Variants in RASGEF1C observed in about 807,000 individuals in gnomAD.
RASGEF1C encodes RasGEF domain family member 1C.
Under a neutral mutation model 58.1 loss-of-function variants are expected in RASGEF1C, and 27 were observed. The observed-to-expected ratio is 0.46, with a 90% CI of 0.34 to 0.64. The LOEUF (loss-of-function observed/expected upper bound fraction) is 0.64. Among genes scored for constraint, RASGEF1C ranks in the 30% least tolerant of loss-of-function variants. The probability of loss-of-function intolerance (pLI) is 0.01; values close to 1 mark genes in which losing one functional copy is unlikely to be tolerated. For synonymous variants in RASGEF1C, 243 were observed against 246.3 expected (o/e 0.99, Z 0.13); for missense variants, 502 against 605.1 (o/e 0.83, Z 1.79).
rs1424025868 is a variant in RASGEF1C, at chr5:180,155,525, T to G, written c.-6-17467A>C. ...TGGGCTCCATATGGCCTTCAACTCC[T>G]GCTGACAGATCCCGCTGTCTCCCTC... On this transcript the variant is annotated intron_variant, in intron 1 of 13. Transcript: ENST00000361132. The surrounding 1 kb of genome is among the most constrained non-coding windows in gnomAD (Gnocchi z 5.2). Among the ~76,000 whole-genome samples the G allele has an allele frequency of 6.6e-6, 1 of 152,122 alleles. No homozygotes were observed. The highest frequency in any genetic ancestry group is 1.5e-5 in the Non-Finnish European group (1 of 68,014).
At chr5:180,125,335 A>G (rs13360581) in intron 6 of RASGEF1C, among the ~76,000 whole-genome samples, 38,896 of 152,164 alleles carry the variant, frequency 0.26, 5,285 homozygotes, top group African/African-American at 0.35. Context: ...TACTTCCTTA[A>G]GCTGATAATA....
chr5:180,142,285 A>G (rs1766591307), intron 1 of RASGEF1C, among the ~76,000 whole-genome samples: 1 of 152,148 alleles, frequency 6.6e-6, no homozygotes, highest in African/African-American at 2.4e-5. Flanking sequence ...TACCCATGAA[A>G]TGAATGAGAC....
intron 1 of RASGEF1C, among the ~76,000 whole-genome samples, chr5:180,149,450 G>C (rs562381545): frequency 5.5e-5 from 8 of 146,112 alleles, no homozygotes; most frequent in Non-Finnish European, 6.0e-5. Flanking sequence ...ATCAGTTTTT[G>C]TTTTGTTTTG....
At position 180,151,739 on chromosome 5, in the gene RASGEF1C, G is replaced by A. The variant is rs1463105869; in HGVS notation, c.-6-13681C>T. Among the ~76,000 whole-genome samples the A allele has an allele frequency of 3.4e-3, 510 of 151,934 alleles. 5 individuals are homozygous for A. The highest frequency in any genetic ancestry group is 4.3e-3 in the Non-Finnish European group (293 of 67,870). The stretch of plus-strand genomic sequence containing the variant: ...AAATGGGATCTAATTAAACTAAAGA[G>A]CTTCTGCACAGCAAAAGAAACTACC... On this transcript the variant is annotated intron_variant, in intron 1 of 13. Transcript: ENST00000361132.
chr5:180,132,236 G>C (rs1473753616), intron 4 of RASGEF1C, among the ~76,000 whole-genome samples: 2 of 152,240 alleles, frequency 1.3e-5, no homozygotes, highest in Non-Finnish European at 2.9e-5. Context: ...GGCTGCCCGG[G>C]AGGCTGGGTG....
chr5:180,199,778 C>T (rs1313865121), intron 1 of RASGEF1C, among the ~76,000 whole-genome samples: 1 of 151,576 alleles, frequency 6.6e-6, no homozygotes, highest in African/African-American at 2.4e-5. Flanking sequence ...GATTCTCCCA[C>T]CACAGCCTCC....
chr5:180,121,867 A>T (rs879841148), intron 6 of RASGEF1C, among the ~76,000 whole-genome samples: 1 of 152,248 alleles, frequency 6.6e-6, no homozygotes, highest in Non-Finnish European at 1.5e-5. Context: ...CCCGCATCAC[A>T]CGCTCAGACT....
chr5:180,123,349 C>T (rs749713264), intron 6 of RASGEF1C, among the ~76,000 whole-genome samples: 7 of 152,178 alleles, frequency 4.6e-5, no homozygotes, highest in South Asian at 4.1e-4. Context: ...AAAAACAAAA[C>T]GCAACCCAGG....
chr5:180,131,394 G>A (rs1386925823), intron 4 of RASGEF1C, among the ~76,000 whole-genome samples: 1 of 151,528 alleles, frequency 6.6e-6, no homozygotes, highest in East Asian at 1.9e-4. Context: ...GTCCCCGGCA[G>A]GATCTGGACA....
chr5:180,134,814 T>C, intron 4 of RASGEF1C, among the ~76,000 whole-genome samples: 1 of 10,770 alleles, frequency 9.3e-5, no homozygotes, highest in Admixed American at 7.8e-4. Flanking sequence ...TTCACGCATC[T>C]ACCCTTGCTT....
chr5:180,146,280 C>T (rs1478470370), intron 1 of RASGEF1C, among the ~76,000 whole-genome samples: 1 of 152,130 alleles, frequency 6.6e-6, no homozygotes. Flanking sequence ...ATAGCTGGGA[C>T]TACAGGTGCA....
At chr5:180,184,184 AATAAATAAAT>A (rs1755985336) in intron 1 of RASGEF1C, among the ~76,000 whole-genome samples, 2 of 148,198 alleles carry the variant, frequency 1.3e-5, no homozygotes, top group Admixed American at 6.8e-5. Context: ...AATAAAAATA[AATAAATAAAT>A]AAATAAATAA....
chr5:180,188,866 C>T (rs955109528), intron 1 of RASGEF1C, among the ~76,000 whole-genome samples: 1 of 152,122 alleles, frequency 6.6e-6, no homozygotes, highest in Admixed American at 6.5e-5. Flanking sequence ...CTACTGTTGC[C>T]ATCTTTATGT....
intron 1 of RASGEF1C, among the ~76,000 whole-genome samples, chr5:180,194,052 AAG>A (rs1454947816): frequency 6.6e-6 from 1 of 151,414 alleles, no homozygotes; most frequent in Non-Finnish European, 1.5e-5. Context: ...AAAAAAAAAA[AAG>A]AGATTCTTTC....
intron 12 of RASGEF1C, 63 bp from the exon 13 acceptor site, chr5:180,102,206 T>A (rs1238349455): frequency 1.1e-6 from 1 of 949,860 alleles, no homozygotes; most frequent in Non-Finnish European, 1.7e-6. Context: ...GTTCTACACC[T>A]GCTATATCTG....
intron 1 of RASGEF1C, among the ~76,000 whole-genome samples, chr5:180,178,938 G>A (rs62406142): frequency 0.13 from 19,208 of 152,194 alleles, 1,273 homozygotes; most frequent in East Asian, 0.21. Flanking sequence ...AAGGAGCGGA[G>A]TGGGGAGGAA....
chr5:180,194,524 G>A (rs1485608064), intron 1 of RASGEF1C, among the ~76,000 whole-genome samples: 9 of 152,142 alleles, frequency 5.9e-5, no homozygotes, highest in Non-Finnish European at 1.2e-4. Context: ...TCACACTCTC[G>A]CCTCACCCTT....
chr5:180,142,015 T>C (rs1267647708), intron 1 of RASGEF1C, among the ~76,000 whole-genome samples: 3 of 152,170 alleles, frequency 2.0e-5, no homozygotes, highest in Admixed American at 6.5e-5. Flanking sequence ...TCAGAAGTCT[T>C]GAAATCACTG....
chr5:180,192,263 A>C (rs1235611883), intron 1 of RASGEF1C, among the ~76,000 whole-genome samples: 1 of 152,184 alleles, frequency 6.6e-6, no homozygotes, highest in Non-Finnish European at 1.5e-5. Flanking sequence ...GAACCCATAC[A>C]ATGGAAACAC....
Sources: gnomAD v4.1 joint callset for allele counts (sites outside exome capture counted in the v4.1 genomes callset) on GRCh38, gnomAD v4.1.1 for gene constraint, Gnocchi (gnomAD v3.1) non-coding constraint, MANE v1.5 for transcripts, NCBI Gene and HGNC (gene_info 2026-07-23, HGNC 2026-07-21) for gene names.